Variants in TNIP3 observed in about 807,000 individuals in gnomAD.
The protein encoded by TNIP3 is TNFAIP3 interacting protein 3.
Under a neutral mutation model 54.1 loss-of-function variants are expected in TNIP3, and 34 were observed. The observed-to-expected ratio is 0.63, with a 90% CI of 0.48 to 0.84. TNIP3 has a LOEUF of 0.84. Ranked by LOEUF, TNIP3 falls within the 40% of genes least tolerant of loss-of-function variation. The probability of loss-of-function intolerance (pLI) is 0.00; values close to 1 mark genes in which losing one functional copy is unlikely to be tolerated. For missense variants in TNIP3, 366 were observed against 387.6 expected, an observed-to-expected ratio of 0.94 and a Z score of 0.47; for synonymous variants, 134 against 136.8, an observed-to-expected ratio of 0.98 and a Z score of 0.14.
At chr4:121,183,532 C>T (rs1163267135) in intron 2 of TNIP3, among the ~76,000 whole-genome samples, 2 of 152,222 alleles carry the variant, frequency 1.3e-5, no homozygotes, top group Non-Finnish European at 2.9e-5. Context: ...CACTGCCAGT[C>T]TGGCCTGTTA....
upstream of TNIP3, among the ~76,000 whole-genome samples, chr4:121,217,657 A>G (rs148446605): frequency 4.3e-4 from 65 of 152,348 alleles, no homozygotes; most frequent in African/African-American, 1.5e-3. Context: ...GAGATATTAC[A>G]CAATTCTGCA....
chr4:121,193,084 T>C (rs901945168), intron 2 of TNIP3, among the ~76,000 whole-genome samples: 3 of 152,242 alleles, frequency 2.0e-5, no homozygotes, highest in Admixed American at 1.3e-4. Flanking sequence ...CATGATTTGA[T>C]TCAGAATGTT....
intron 2 of TNIP3, among the ~76,000 whole-genome samples, chr4:121,194,535 T>C (rs1725463341): frequency 6.6e-6 from 1 of 152,216 alleles, no homozygotes; most frequent in Non-Finnish European, 1.5e-5. Flanking sequence ...TTAGTTTTTG[T>C]TTTGTTTTTC....
chr4:121,219,290 T>A (rs1329800689), upstream of TNIP3, among the ~76,000 whole-genome samples: 1 of 152,124 alleles, frequency 6.6e-6, no homozygotes, highest in Non-Finnish European at 1.5e-5. Context: ...AGCAAACACA[T>A]GTCTTTGTTT....
At chr4:121,139,933 C>T (rs766215811) in intron 9 of TNIP3, among the ~76,000 whole-genome samples, 2 of 152,096 alleles carry the variant, frequency 1.3e-5, no homozygotes, top group Non-Finnish European at 2.9e-5. Flanking sequence ...ATTCAGCCTT[C>T]GATATAGACA....
chr4:121,142,916 T>C, intron 7 of TNIP3, 140 bp from the exon 8 acceptor site: 1 of 631,100 alleles, frequency 1.6e-6, no homozygotes, highest in Non-Finnish European at 2.8e-6. Flanking sequence ...TTTGCAGACA[T>C]GCATTGATTC....
intron 2 of TNIP3, among the ~76,000 whole-genome samples, chr4:121,199,951 G>T (rs1725793520): frequency 6.6e-6 from 1 of 152,152 alleles, no homozygotes; most frequent in African/African-American, 2.4e-5. Flanking sequence ...CATATGCCCA[G>T]AAGAAAGGGT....
intron 2 of TNIP3, among the ~76,000 whole-genome samples, chr4:121,202,192 C>T (rs1036536865): frequency 1.3e-5 from 2 of 152,146 alleles, no homozygotes; most frequent in African/African-American, 4.8e-5. Context: ...GACAAAGCAG[C>T]ATGGTACTGG....
intron 10 of TNIP3, among the ~76,000 whole-genome samples, chr4:121,135,684 C>A (rs975066260): frequency 1.8e-4 from 27 of 152,208 alleles, no homozygotes; most frequent in African/African-American, 6.5e-4. Flanking sequence ...TAGGCATGAG[C>A]CACCACTCCT....
intron 7 of TNIP3, among the ~76,000 whole-genome samples, chr4:121,146,280 G>A (rs1729425785): frequency 6.6e-6 from 1 of 152,052 alleles, no homozygotes; most frequent in African/African-American, 2.4e-5. Flanking sequence ...AATGATGACT[G>A]TTTTAAATTT....
intron 7 of TNIP3, among the ~76,000 whole-genome samples, chr4:121,143,772 G>T (rs192229335): frequency 6.6e-6 from 1 of 152,122 alleles, no homozygotes; most frequent in Admixed American, 6.5e-5. Context: ...AATATGTATT[G>T]TTGATTAACT....
intron 3 of TNIP3, among the ~76,000 whole-genome samples, chr4:121,172,150 C>T (rs986733725): frequency 1.3e-5 from 2 of 152,188 alleles, no homozygotes; most frequent in Non-Finnish European, 2.9e-5. Flanking sequence ...AAGGTACAAG[C>T]CTTGAAGAGA....
At chr4:121,139,933 C>A (rs766215811) in intron 9 of TNIP3, among the ~76,000 whole-genome samples, 2 of 152,096 alleles carry the variant, frequency 1.3e-5, no homozygotes, top group Admixed American at 6.5e-5. Context: ...ATTCAGCCTT[C>A]GATATAGACA....
chr4:121,206,543 T>C (rs1381612206), intron 2 of TNIP3, among the ~76,000 whole-genome samples: 3 of 151,986 alleles, frequency 2.0e-5, no homozygotes, highest in Non-Finnish European at 4.4e-5. Flanking sequence ...ATATATTGTG[T>C]GTGTGTTTTA....
intron 10 of TNIP3, among the ~76,000 whole-genome samples, chr4:121,133,293 T>A (rs530290628): frequency 2.4e-4 from 36 of 152,362 alleles, no homozygotes; most frequent in African/African-American, 8.7e-4. Context: ...CTGAATGTTT[T>A]GTACTTGTTG....
chr4:121,195,659 C>T lies in TNIP3; in HGVS notation c.69-12863G>A, dbSNP rs1254907236. ...ATTATTTGTTGTTCTTCATAATCCT[C>T]TTTATATGATTGACATAAAAGCAAA... On this transcript the variant is annotated intron_variant, in intron 2 of 12. Coordinates refer to the TNIP3 transcript ENST00000507879. 3.3e-5 allele frequency among the ~76,000 whole-genome samples: 5 copies of T among 152,294 alleles called. No homozygotes were observed. In the Middle Eastern group the frequency reaches 0.014, roughly 414 times the overall value.
At chr4:121,143,905 G>A (rs4833706) in intron 7 of TNIP3, among the ~76,000 whole-genome samples, 57,649 of 152,016 alleles carry the variant, frequency 0.38, 13,248 homozygotes, top group East Asian at 0.71. Context: ...CAGCATATAC[G>A]TGTGGGCCAT....
chr4:121,181,800 T>G (rs191113598), intron 3 of TNIP3, among the ~76,000 whole-genome samples: 1 of 152,062 alleles, frequency 6.6e-6, no homozygotes, highest in African/African-American at 2.4e-5. Context: ...AGAAACAAAT[T>G]TATGGATGCA....
chr4:121,189,352 T>C (rs1186866184), intron 2 of TNIP3, among the ~76,000 whole-genome samples: 1 of 152,204 alleles, frequency 6.6e-6, no homozygotes, highest in African/African-American at 2.4e-5. Flanking sequence ...AAAGGAAGAA[T>C]TGACAGTAGA....
Sources: gnomAD v4.1 joint callset for allele counts (sites outside exome capture counted in the v4.1 genomes callset) on GRCh38, gnomAD v4.1.1 for gene constraint, MANE v1.5 for transcripts, NCBI Gene and HGNC (gene_info 2026-07-23, HGNC 2026-07-21) for gene names.